The following PRH1 variants were observed in gnomAD, a reference collection of about 807,000 sequenced individuals.
PRH1 encodes salivary acidic proline-rich phosphoprotein 1/2.
A neutral mutation model predicts 7.9 loss-of-function variants in PRH1; 7 were observed. The observed-to-expected ratio is 0.89, with a 90% CI of 0.50 to 1.67. The LOEUF is 1.67. Ranked by LOEUF, PRH1 falls within the 40% of genes most tolerant of loss-of-function variation. PRH1 has a pLI of 0.00. For synonymous variants in PRH1, 45 were observed against 80.8 expected, an observed-to-expected ratio of 0.56 and a Z score of 2.38; for missense variants, 109 against 223.6, an observed-to-expected ratio of 0.49 and a Z score of 3.27.
At chr12:11,125,756 C>T (rs938353423) in intron 1 of PRH1, among the ~76,000 whole-genome samples, 2 of 151,740 alleles carry the variant, frequency 1.3e-5, no homozygotes, top group Non-Finnish European at 2.9e-5. Flanking sequence ...ATGTTGTGAT[C>T]ATAAATATCT....
chr12:10,886,458 C>T (rs556217455), upstream of PRH1, among the ~76,000 whole-genome samples: 5 of 152,046 alleles, frequency 3.3e-5, no homozygotes, highest in Admixed American at 6.5e-5. Context: ...CAGCAATCAG[C>T]GAGAGACTAG....
At chr12:11,012,456 T>A (rs1941107850) in intron 1 of PRH1, among the ~76,000 whole-genome samples, 1 of 152,146 alleles carries the variant, frequency 6.6e-6, no homozygotes, top group South Asian at 2.1e-4. Flanking sequence ...AGTATATGTA[T>A]AACTGCTTTC....
chr12:11,091,113 C>CATATATATATATATATATATATATAT (rs1447599116), intron 1 of PRH1, among the ~76,000 whole-genome samples: 1 of 5,662 alleles, frequency 1.8e-4, no homozygotes, highest in African/African-American at 2.6e-4. Flanking sequence ...CACACACACA[C>CATATATATATATATATATATATATAT]ACATATATAT....
chr12:10,912,060 C>A lies in PRH1; in HGVS notation c.-58-27785G>T, dbSNP rs527911426. On this transcript the variant is annotated intron_variant, in intron 2 of 3. Coordinates refer to the PRH1 transcript ENST00000539853. ...CTGTACACAATATTTTTGAATTTAA[C>A]TATTTTTGATCAATATTATGTTTCT... Among the ~76,000 whole-genome samples, 52 of 152,134 alleles carry A rather than the reference C, an allele frequency of 3.4e-4. 1 individual carries two copies. The highest frequency in any genetic ancestry group is 1.1e-3 in the African/African-American group (44 of 41,432).
At chr12:10,906,932 T>A (rs1949813372) in intron 2 of PRH1, among the ~76,000 whole-genome samples, 1 of 152,146 alleles carries the variant, frequency 6.6e-6, no homozygotes, top group Non-Finnish European at 1.5e-5. Flanking sequence ...GGCAAAAGGT[T>A]TAAACAAACA....
chr12:11,074,034 A>T (rs1476288593), intron 1 of PRH1, among the ~76,000 whole-genome samples: 1 of 139,358 alleles, frequency 7.2e-6, no homozygotes, highest in East Asian at 2.0e-4. Flanking sequence ...TGAGTGGCAC[A>T]AGGAGGGGAC....
intron 1 of PRH1, among the ~76,000 whole-genome samples, chr12:11,106,082 A>G (rs1180434024): frequency 2.0e-5 from 2 of 101,216 alleles, no homozygotes; most frequent in East Asian, 4.4e-4. Flanking sequence ...CTGGGATTAC[A>G]GGCGCCCACC....
At chr12:11,160,997 T>C (rs946379275) in intron 1 of PRH1, among the ~76,000 whole-genome samples, 5 of 152,210 alleles carry the variant, frequency 3.3e-5, no homozygotes, top group African/African-American at 9.7e-5. Flanking sequence ...ATATAGACTA[T>C]ATTTCCAAGC....
At chr12:11,049,621 T>C (rs1943059737), upstream of PRH1, among the ~76,000 whole-genome samples, 1 of 152,216 alleles carries the variant, frequency 6.6e-6, no homozygotes, top group Non-Finnish European at 1.5e-5. Context: ...GCAATTGTTG[T>C]CCTTGCTAAC....
rs574826020 is a variant in PRH1, at chr12:10,985,864, T to C, written c.-125-12143A>G. 6.2e-6 allele frequency: 8 copies of C among 1,292,704 alleles called. No individual in the cohort carries two copies. In the South Asian group the frequency reaches 1.2e-4, roughly 20 times the overall value. The allele number at this position is 1,292,704 out of a possible 1,614,324, so 80.1% of individuals were successfully genotyped here. On this transcript the variant is annotated intron_variant, in intron 1 of 3. Transcript: ENST00000539853. ...ACTACAGAAAAAACAGTAAAAAGTATAAAATGTTCCAGACACTATCAGTTT... is the reference window on the plus strand; with the variant it reads ...ACTACAGAAAAAACAGTAAAAAGTACAAAATGTTCCAGACACTATCAGTTT...
chr12:11,075,884 T>C (rs1944269297), intron 1 of PRH1, among the ~76,000 whole-genome samples: 1 of 98,020 alleles, frequency 1.0e-5, no homozygotes, highest in African/African-American at 3.2e-5. Context: ...CAACCACTAA[T>C]GTGTTCATTA....
At chr12:10,937,977 T>C (rs1476897372) in intron 2 of PRH1, 1 of 304,998 alleles carries the variant, frequency 3.3e-6, no homozygotes, top group East Asian at 5.9e-5. Context: ...TTATACATTA[T>C]AGGTTTTCTC....
chr12:10,932,288 C>G (rs780392668), intron 2 of PRH1: 63 of 396,586 alleles, frequency 1.6e-4, no homozygotes, highest in Admixed American at 7.2e-4. Context: ...CATGCTCTAA[C>G]TTCAATATAC....
chr12:11,109,970 C>T (rs1170309325), intron 1 of PRH1, among the ~76,000 whole-genome samples: 1 of 152,054 alleles, frequency 6.6e-6, no homozygotes, highest in Non-Finnish European at 1.5e-5. Context: ...TAGAAAAGAA[C>T]ATAAATGACC....
At chr12:10,881,433 C>A (rs1659074309) in intron 3 of PRH1, among the ~76,000 whole-genome samples, 2 of 151,916 alleles carry the variant, frequency 1.3e-5, no homozygotes, top group African/African-American at 4.8e-5. Flanking sequence ...TACGGAACAA[C>A]CAAACAATAG....
chr12:11,072,532 T>A (rs540908513), intron 1 of PRH1, among the ~76,000 whole-genome samples: 1 of 152,336 alleles, frequency 6.6e-6, no homozygotes, highest in East Asian at 1.9e-4. Context: ...AAAATAATAA[T>A]CACATTCTCC....
chr12:10,973,423 AT>A, intron 2 of PRH1: 1 of 365,360 alleles, frequency 2.7e-6, no homozygotes, highest in African/African-American at 2.1e-5. Context: ...AGAAACCCAG[AT>A]ACTCTGTTTC....
chr12:11,037,139 T>A (rs1228558920), intron 1 of PRH1, among the ~76,000 whole-genome samples: 1 of 152,176 alleles, frequency 6.6e-6, no homozygotes, highest in African/African-American at 2.4e-5. Flanking sequence ...ATTTTGGGAT[T>A]TTTTTTGGCA....
At chr12:10,978,486 A>G (rs1429960023) in intron 1 of PRH1, among the ~76,000 whole-genome samples, 4 of 152,204 alleles carry the variant, frequency 2.6e-5, no homozygotes, top group African/African-American at 7.2e-5. Flanking sequence ...AAAATAACCT[A>G]GGAAATACCT....
Sources: gnomAD v4.1 joint callset for allele counts (sites outside exome capture counted in the v4.1 genomes callset) on GRCh38, gnomAD v4.1.1 for gene constraint, MANE v1.5 for transcripts, NCBI Gene and HGNC (gene_info 2026-07-23, HGNC 2026-07-21) for gene names.